PHF14: variants seen among roughly 807,000 people sequenced by gnomAD.
PHF14 encodes the protein PHD finger protein 14.
In PHF14, 55 loss-of-function variants were observed where a neutral mutation model predicts 117.9. The ratio of observed to expected loss-of-function variants is 0.47; its 90% confidence interval spans 0.38 to 0.58. The LOEUF is 0.58. PHF14 is among the 20% of genes least tolerant of loss of function. The pLI is 0.00. For synonymous variants in PHF14, 409 were observed against 368.6 expected (o/e 1.11, Z -1.26); for missense variants, 978 against 1,122.2 (o/e 0.87, Z 1.84).
intron 6 of PHF14, among the ~76,000 whole-genome samples, chr7:11,025,850 G>A (rs1156379251): frequency 1.3e-5 from 2 of 151,110 alleles, no homozygotes; most frequent in Non-Finnish European, 3.0e-5. Context: ...GGTGGCTCAC[G>A]CCTGTAATCC....
At chr7:11,045,229 C>G (rs1045186704) in intron 13 of PHF14, among the ~76,000 whole-genome samples, 1 of 152,186 alleles carries the variant, frequency 6.6e-6, no homozygotes, top group Admixed American at 6.5e-5. Flanking sequence ...CTGCTTTAGA[C>G]TCTACCTTGT....
intron 13 of PHF14, among the ~76,000 whole-genome samples, chr7:11,047,249 T>A (rs1455990371): frequency 1.3e-5 from 2 of 152,026 alleles, no homozygotes; most frequent in African/African-American, 4.8e-5. Context: ...TTTGTATTTT[T>A]AGTAGAGATG....
At chr7:11,080,271 T>C (rs1445678376) in intron 16 of PHF14, among the ~76,000 whole-genome samples, 1 of 152,088 alleles carries the variant, frequency 6.6e-6, no homozygotes, top group Non-Finnish European at 1.5e-5. Flanking sequence ...ACAATAAAAT[T>C]TAAAAAAAAC....
chr7:11,163,673 C>T (rs1052269466), intron 17 of PHF14, among the ~76,000 whole-genome samples: 2 of 152,154 alleles, frequency 1.3e-5, no homozygotes, highest in African/African-American at 4.8e-5. Flanking sequence ...CTGAAGCATG[C>T]AGTGTGCTCA....
intron 4 of PHF14, among the ~76,000 whole-genome samples, chr7:11,009,889 A>T (rs1465261395): frequency 6.6e-6 from 1 of 152,206 alleles, no homozygotes; most frequent in Non-Finnish European, 1.5e-5. Context: ...ATCATTCCTA[A>T]GATTAACTGT....
Position 11,169,400 on chromosome 7 carries a change from A to G in PHF14, c.2773-16A>G. 1 of 1,271,496 alleles carries G rather than the reference A, an allele frequency of 7.9e-7. No individual in the cohort carries two copies. The allele number at this position is 1,271,496 out of a possible 1,614,324, so 78.8% of individuals were successfully genotyped here. On this transcript the variant is annotated splice_polypyrimidine_tract_variant and intron_variant, in intron 17 of 17. Coordinates refer to ENST00000634607, the MANE Select transcript of PHF14 (RefSeq NM_001007157.2). ...TAAAGTTTATATTTTAATGTTTTCT[A>G]AAATTTATTTCACAGGAAGATGAAA...
chr7:11,020,489 C>T (rs1004384539), intron 5 of PHF14, among the ~76,000 whole-genome samples: 12 of 152,116 alleles, frequency 7.9e-5, no homozygotes, highest in Non-Finnish European at 4.4e-5. Context: ...AGCAGTCCTC[C>T]TACCTCAGCC....
At chr7:11,005,787 CTTTTTTTTT>C (rs951270672) in intron 4 of PHF14, among the ~76,000 whole-genome samples, 8 of 84,468 alleles carry the variant, frequency 9.5e-5, no homozygotes, top group East Asian at 7.8e-4. Context: ...AGTAAAAATT[CTTTTTTTTT>C]TTTTTTTTTT....
intron 16 of PHF14, among the ~76,000 whole-genome samples, chr7:11,076,768 A>T (rs954664003): frequency 6.6e-6 from 1 of 151,504 alleles, no homozygotes; most frequent in East Asian, 1.9e-4. Flanking sequence ...GGGTTTTGCA[A>T]TGTTGTCCAG....
intron 7 of PHF14, among the ~76,000 whole-genome samples, chr7:11,030,027 T>C (rs1184578577): frequency 6.6e-6 from 1 of 151,946 alleles, no homozygotes; most frequent in Admixed American, 6.6e-5. Context: ...GTATTTTTGA[T>C]ACATGTAGCT....
Position 11,098,514 on chromosome 7 carries a change from T to C in PHF14, c.2655-12836T>C, listed in dbSNP as rs142164135. 6.4e-3 allele frequency among the ~76,000 whole-genome samples: 970 copies of C among 152,294 alleles called. 9 individuals are homozygous for C. The highest frequency in any genetic ancestry group is 0.022 in the African/African-American group (923 of 41,560). On this transcript the variant is annotated intron_variant, in intron 16 of 17. Coordinates refer to ENST00000634607, the MANE Select transcript of PHF14 (RefSeq NM_001007157.2). ...ATAATTGGGTTCTACAGCTCTACTA[T>C]GTCTCACTTCCCCCAACCTTCTGGC...
intron 4 of PHF14, among the ~76,000 whole-genome samples, chr7:10,995,610 A>G (rs947581524): frequency 6.6e-6 from 1 of 152,164 alleles, no homozygotes; most frequent in Admixed American, 6.5e-5. Flanking sequence ...GGCAGCACTC[A>G]TAAGGGAGGC....
At chr7:11,122,352 T>TATATATATATATATATATACACAC in intron 17 of PHF14, among the ~76,000 whole-genome samples, 138 of 65,774 alleles carry the variant, frequency 2.1e-3, no homozygotes, top group Non-Finnish European at 3.1e-3. Context: ...TATATATATA[T>TATATATATATATATATATACACAC]ACACACACAC....
chr7:11,139,855 C>CTATT (rs967190308), intron 17 of PHF14, among the ~76,000 whole-genome samples: 1 of 152,088 alleles, frequency 6.6e-6, no homozygotes, highest in African/African-American at 2.4e-5. Flanking sequence ...ACTTAGTGTA[C>CTATT]TATTCCTAAT....
At chr7:10,991,055 A>G (rs1198008692) in intron 4 of PHF14, among the ~76,000 whole-genome samples, 2 of 152,178 alleles carry the variant, frequency 1.3e-5, no homozygotes, top group African/African-American at 2.4e-5. Context: ...CAGTGGCACA[A>G]TCTCGGTTCA....
intron 17 of PHF14, among the ~76,000 whole-genome samples, chr7:11,115,868 A>C (rs970211020): frequency 2.0e-5 from 3 of 151,986 alleles, no homozygotes; most frequent in Non-Finnish European, 2.9e-5. Flanking sequence ...GCATTTTTCA[A>C]ATATTTTCTT....
chr7:11,037,212 C>A (rs1784345289), intron 10 of PHF14, 121 bp downstream of exon 10: 2 of 755,266 alleles, frequency 2.6e-6, no homozygotes, highest in Non-Finnish European at 4.1e-6. Context: ...TTTGGCTCTT[C>A]CCTATAACTC....
At chr7:11,083,944 G>A (rs1188545775) in intron 16 of PHF14, among the ~76,000 whole-genome samples, 1 of 152,162 alleles carries the variant, frequency 6.6e-6, no homozygotes, top group African/African-American at 2.4e-5. Context: ...ATGCCCGTCT[G>A]GGGCAATAGG....
chr7:11,126,251 A>T (rs1787925824), intron 17 of PHF14, among the ~76,000 whole-genome samples: 1 of 152,114 alleles, frequency 6.6e-6, no homozygotes, highest in African/African-American at 2.4e-5. Flanking sequence ...AATCATCTTA[A>T]TGACTCAATT....
Sources: allele counts gnomAD v4.1 joint callset (sites outside exome capture counted in the v4.1 genomes callset), GRCh38; gene constraint gnomAD v4.1.1; transcripts MANE v1.5; gene names NCBI Gene and HGNC (gene_info 2026-07-23, HGNC 2026-07-21).